Variants in SND1 observed in about 807,000 individuals in gnomAD.
SND1 encodes the protein staphylococcal nuclease domain-containing protein 1.
Under a neutral mutation model 121.7 loss-of-function variants are expected in SND1, and 38 were observed. The ratio of observed to expected loss-of-function variants is 0.31; its 90% CI spans 0.24 to 0.41. The LOEUF is 0.41. Among genes scored for constraint, SND1 ranks in the 10% least tolerant of loss-of-function variants. SND1 has a pLI of 1.00. For missense variants in SND1, 868 were observed against 1,184.6 expected, an observed-to-expected ratio of 0.73 and a Z score of 3.92; for synonymous variants, 401 against 447.4, an observed-to-expected ratio of 0.90 and a Z score of 1.31.
At chr7:127,799,283 G>A (rs1487213418) in intron 10 of SND1, among the ~76,000 whole-genome samples, 1 of 152,186 alleles carries the variant, frequency 6.6e-6, no homozygotes, top group African/African-American at 2.4e-5. Context: ...TCCCAGCTTT[G>A]CTATTACTAG....
intron 16 of SND1, among the ~76,000 whole-genome samples, chr7:128,045,736 G>C (rs190538911): frequency 6.6e-6 from 1 of 152,142 alleles, no homozygotes; most frequent in African/African-American, 2.4e-5. Context: ...TATGTCCCCA[G>C]GTCAGAATCA....
intron 16 of SND1, among the ~76,000 whole-genome samples, chr7:128,070,548 A>G (rs558329202): frequency 6.6e-6 from 1 of 152,336 alleles, no homozygotes; most frequent in East Asian, 1.9e-4. Flanking sequence ...CAAGATGCCC[A>G]AGAGATGAGT....
intron 14 of SND1, among the ~76,000 whole-genome samples, chr7:127,920,770 C>G (rs187788416): frequency 2.0e-5 from 3 of 151,510 alleles, no homozygotes; most frequent in African/African-American, 7.3e-5. Context: ...GATACTTTAT[C>G]CTAACTAGGT....
rs1407073090 is a variant in SND1, at chr7:128,022,118, T to A, written c.1779+31062T>A. ...ACTCGGGAAGCTGACGCCAGGAGAA[T>A]CGCTTGAACCCGGGAGGCGGAGGTT... On this transcript the variant is annotated intron_variant, in intron 16 of 23. Coordinates refer to ENST00000354725, the MANE Select transcript of SND1 (RefSeq NM_014390.4). Among the ~76,000 whole-genome samples, 6 of 145,184 alleles carry A rather than the reference T, an allele frequency of 4.1e-5. No individual in the cohort carries two copies. In the Admixed American group the frequency reaches 4.3e-4, roughly 10 times the overall value.
chr7:127,784,671 T>C (rs1797780234), intron 10 of SND1, among the ~76,000 whole-genome samples: 5 of 152,200 alleles, frequency 3.3e-5, no homozygotes, highest in Admixed American at 3.3e-4. Context: ...CTATAAGCTC[T>C]CCCTTGTTCA....
chr7:128,069,592 T>C (rs533432465), intron 16 of SND1, among the ~76,000 whole-genome samples: 17 of 152,136 alleles, frequency 1.1e-4, no homozygotes, highest in Non-Finnish European at 1.9e-4. Context: ...ACAGTCTACT[T>C]GGAGAATGAA....
intron 16 of SND1, among the ~76,000 whole-genome samples, chr7:128,055,972 T>A (rs1208506425): frequency 6.6e-6 from 1 of 152,210 alleles, no homozygotes; most frequent in East Asian, 1.9e-4. Context: ...CAGGACTGAG[T>A]TCAAATTCTA....
intron 13 of SND1, among the ~76,000 whole-genome samples, chr7:127,894,388 A>G (rs1800076829): frequency 6.6e-6 from 1 of 151,962 alleles, no homozygotes; most frequent in Admixed American, 6.6e-5. Flanking sequence ...TGCCTTAAAA[A>G]AAAAAAAAAG....
chr7:128,074,491 C>A lies in SND1; in HGVS notation c.1780-11C>A. 4 of 1,605,868 alleles carry A rather than the reference C, an allele frequency of 2.5e-6. No homozygotes were observed. Among genetic ancestry groups the A allele is most frequent in the Non-Finnish European group, 3.4e-6 (4 of 1,174,602 alleles). Reference sequence around the variant, plus strand: ...GGCCCCCACAGGCTTACGCCTGTCTCTCTGTCCCAGGTGGAGGTGGAGGTG... The same window carrying A: ...GGCCCCCACAGGCTTACGCCTGTCTATCTGTCCCAGGTGGAGGTGGAGGTG... On this transcript the variant is annotated splice_polypyrimidine_tract_variant and intron_variant, in intron 16 of 23. Coordinates refer to ENST00000354725, the MANE Select transcript of SND1 (RefSeq NM_014390.4).
At chr7:127,868,857 A>AT (rs1265057358) in intron 12 of SND1, among the ~76,000 whole-genome samples, 1 of 151,570 alleles carries the variant, frequency 6.6e-6, no homozygotes, top group Admixed American at 6.6e-5. Flanking sequence ...GTTTGTGGGT[A>AT]TTTTTTTTCC....
intron 16 of SND1, among the ~76,000 whole-genome samples, chr7:128,050,639 A>AT (rs1020956058): frequency 6.6e-6 from 1 of 152,138 alleles, no homozygotes; most frequent in Non-Finnish European, 1.5e-5. Flanking sequence ...TTTCTGGCTG[A>AT]TTTTTTTGGT....
intron 10 of SND1, among the ~76,000 whole-genome samples, chr7:127,727,478 C>T (rs559647970): frequency 2.6e-5 from 4 of 152,232 alleles, no homozygotes; most frequent in South Asian, 4.1e-4. Flanking sequence ...CCGACTTTGC[C>T]GACTCTGAGA....
chr7:127,938,720 T>G (rs1334918280), intron 15 of SND1, among the ~76,000 whole-genome samples: 2 of 152,240 alleles, frequency 1.3e-5, no homozygotes, highest in Non-Finnish European at 2.9e-5. Context: ...CTATTGAGCC[T>G]TCACTGCTCC....
At chr7:128,020,338 C>T (rs1803318088) in intron 16 of SND1, among the ~76,000 whole-genome samples, 1 of 152,168 alleles carries the variant, frequency 6.6e-6, no homozygotes. Context: ...GGGCACTAAT[C>T]ACTTTGCCAT....
At chr7:127,978,742 T>A (rs1454914137) in intron 15 of SND1, among the ~76,000 whole-genome samples, 1 of 152,224 alleles carries the variant, frequency 6.6e-6, no homozygotes, top group Non-Finnish European at 1.5e-5. Context: ...TCACCTGTAC[T>A]GATAACTAAA....
chr7:127,936,209 C>G (rs916633775), intron 15 of SND1, among the ~76,000 whole-genome samples: 1 of 152,090 alleles, frequency 6.6e-6, no homozygotes, highest in Non-Finnish European at 1.5e-5. Context: ...TGAGACTGTT[C>G]AAGGTCTCTC....
At chr7:127,971,836 G>A (rs1181572164) in intron 15 of SND1, among the ~76,000 whole-genome samples, 5 of 148,720 alleles carry the variant, frequency 3.4e-5, no homozygotes, top group Admixed American at 6.7e-5. Flanking sequence ...GCAGTGGTGC[G>A]ATCTCAGCTC....
At chr7:127,753,878 C>T (rs1339563002) in intron 10 of SND1, among the ~76,000 whole-genome samples, 1 of 152,170 alleles carries the variant, frequency 6.6e-6, no homozygotes, top group Non-Finnish European at 1.5e-5. Flanking sequence ...TTTGTCAATA[C>T]TACACCCATC....
At chr7:127,799,308 G>T (rs1295007126) in intron 10 of SND1, among the ~76,000 whole-genome samples, 1 of 152,182 alleles carries the variant, frequency 6.6e-6, no homozygotes, top group Non-Finnish European at 1.5e-5. Flanking sequence ...GTGACATCAG[G>T]CAAGTTACTT....
Sources: allele counts gnomAD v4.1 joint callset (sites outside exome capture counted in the v4.1 genomes callset), GRCh38; gene constraint gnomAD v4.1.1; transcripts MANE v1.5; gene names NCBI Gene and HGNC (gene_info 2026-07-23, HGNC 2026-07-21).